Variants in PTPRD observed in about 807,000 individuals in gnomAD.
The protein encoded by PTPRD is protein tyrosine phosphatase receptor type D, also known as receptor-type tyrosine-protein phosphatase delta.
Under a neutral mutation model 214.5 loss-of-function variants are expected in PTPRD, and 34 were observed. That is an observed-to-expected ratio of 0.16 (90% CI 0.12 to 0.21). The LOEUF is 0.21. Among genes scored for constraint, PTPRD ranks in the 10% least tolerant of loss-of-function variants. The pLI is 1.00. For missense variants in PTPRD, 2,545 were observed against 2,398.7 expected (o/e 1.06, Z -1.27); for synonymous variants, 1,128 against 845.7 (o/e 1.33, Z -5.79).
At chr9:10,195,284 G>A (rs2099393462) in intron 3 of PTPRD, among the ~76,000 whole-genome samples, 2 of 151,972 alleles carry the variant, frequency 1.3e-5, no homozygotes, top group African/African-American at 4.8e-5. Flanking sequence ...GGAAAAGGAA[G>A]GTAATGATTG....
chr9:10,528,353 CTT>C (rs1359075237), intron 2 of PTPRD, among the ~76,000 whole-genome samples: 1 of 152,124 alleles, frequency 6.6e-6, no homozygotes, highest in East Asian at 1.9e-4. Flanking sequence ...TAATCTACCT[CTT>C]AGGATTGTCA....
At chr9:9,182,098 CAT>C (rs2099928545) in intron 10 of PTPRD, among the ~76,000 whole-genome samples, 1 of 152,006 alleles carries the variant, frequency 6.6e-6, no homozygotes, top group South Asian at 2.1e-4. Context: ...TGAATCTTAA[CAT>C]ATAAAATTGA....
intron 8 of PTPRD, among the ~76,000 whole-genome samples, chr9:9,502,143 T>C (rs939166272): frequency 5.9e-5 from 9 of 151,910 alleles, no homozygotes; most frequent in African/African-American, 1.2e-4. Context: ...ACTTAAGAGC[T>C]ATCCTTTTAG....
intron 11 of PTPRD, among the ~76,000 whole-genome samples, chr9:8,946,492 A>G (rs141075101): frequency 6.6e-6 from 1 of 152,286 alleles, no homozygotes; most frequent in African/African-American, 2.4e-5. Context: ...ATTAAGTGAT[A>G]TATGAAAATC....
intron 5 of PTPRD, among the ~76,000 whole-genome samples, chr9:9,911,022 T>C (rs1276085516): frequency 6.6e-6 from 1 of 152,032 alleles, no homozygotes; most frequent in African/African-American, 2.4e-5. Context: ...ATTTGTCTTT[T>C]GGCTAACTCC....
chr9:9,055,211 T>G (rs770586105), intron 10 of PTPRD, among the ~76,000 whole-genome samples: 1 of 152,178 alleles, frequency 6.6e-6, no homozygotes, highest in Non-Finnish European at 1.5e-5. Context: ...GCAGCATTGC[T>G]TATAAGAGCC....
intron 14 of PTPRD, among the ~76,000 whole-genome samples, chr9:8,548,617 C>T (rs1466311138): frequency 1.3e-5 from 2 of 149,640 alleles, no homozygotes; most frequent in African/African-American, 2.5e-5. Context: ...ATCCACTTGC[C>T]TCGTCCTCCC....
chr9:10,065,055 A>G (rs1293550124), intron 3 of PTPRD, among the ~76,000 whole-genome samples: 1 of 151,796 alleles, frequency 6.6e-6, no homozygotes, highest in Non-Finnish European at 1.5e-5. Context: ...AAGCATACAT[A>G]GTAATTTGCC....
intron 8 of PTPRD, among the ~76,000 whole-genome samples, chr9:9,542,825 G>A (rs1053143885): frequency 1.3e-5 from 2 of 151,624 alleles, no homozygotes; most frequent in Non-Finnish European, 3.0e-5. Context: ...ACAACCATGA[G>A]GAGCAACTGG....
At chr9:10,566,443 A>T (rs2065635674) in intron 2 of PTPRD, among the ~76,000 whole-genome samples, 1 of 152,060 alleles carries the variant, frequency 6.6e-6, no homozygotes, top group South Asian at 2.1e-4. Flanking sequence ...GACTTAAAAA[A>T]TTTGCAACTA....
At chr9:8,906,486 C>T (rs1315742062) in intron 11 of PTPRD, among the ~76,000 whole-genome samples, 1 of 152,050 alleles carries the variant, frequency 6.6e-6, no homozygotes, top group East Asian at 1.9e-4. Flanking sequence ...AAGAGGTGAT[C>T]AAAGAAGTAA....
intron 7 of PTPRD, among the ~76,000 whole-genome samples, chr9:9,688,239 C>T (rs1322857753): frequency 6.6e-6 from 1 of 151,754 alleles, no homozygotes; most frequent in African/African-American, 2.4e-5. Flanking sequence ...ATAAGCTGGC[C>T]TTTTAAAACC....
chr9:8,813,473 C>T (rs2096857274), intron 11 of PTPRD, among the ~76,000 whole-genome samples: 1 of 152,194 alleles, frequency 6.6e-6, no homozygotes, highest in Admixed American at 6.5e-5. Flanking sequence ...TAGGCTGAAG[C>T]AATCCTCCTG....
chr9:9,811,258 G>C (rs1473377219), intron 5 of PTPRD, among the ~76,000 whole-genome samples: 1 of 152,136 alleles, frequency 6.6e-6, no homozygotes. Context: ...TTCATGGATG[G>C]CTTTGAAGGG....
chr9:9,575,770 A>AAAAAG (rs2088451399), intron 7 of PTPRD, among the ~76,000 whole-genome samples: 1 of 121,846 alleles, frequency 8.2e-6, no homozygotes, highest in Non-Finnish European at 1.7e-5. Context: ...AGAAAAAAAG[A>AAAAAG]AAAAGAAAGA....
At chr9:9,500,797 A>C (rs1452589080) in intron 8 of PTPRD, among the ~76,000 whole-genome samples, 2 of 152,090 alleles carry the variant, frequency 1.3e-5, no homozygotes, top group African/African-American at 4.8e-5. Context: ...AGCAAAAATA[A>C]TAAAGTTGTT....
At chr9:9,079,318 G>C (rs1159514250) in intron 10 of PTPRD, among the ~76,000 whole-genome samples, 1 of 151,642 alleles carries the variant, frequency 6.6e-6, no homozygotes, top group Non-Finnish European at 1.5e-5. Context: ...TTAACTTTTT[G>C]TTTCTGGCTT....
At chr9:10,355,419 G>C (rs1227601878) in intron 2 of PTPRD, among the ~76,000 whole-genome samples, 1 of 151,546 alleles carries the variant, frequency 6.6e-6, no homozygotes, top group South Asian at 2.1e-4. Context: ...TAACAATTGA[G>C]AGCTTATAGA....
chr9:8,626,208 C>G (rs1012008902), intron 14 of PTPRD, among the ~76,000 whole-genome samples: 4 of 151,844 alleles, frequency 2.6e-5, no homozygotes, highest in Non-Finnish European at 4.4e-5. Context: ...TGAAAGCCAA[C>G]CAACTACCTA....
Sources: allele counts gnomAD v4.1 joint callset (sites outside exome capture counted in the v4.1 genomes callset), GRCh38; gene constraint gnomAD v4.1.1; transcripts MANE v1.5; gene names NCBI Gene and HGNC (gene_info 2026-07-23, HGNC 2026-07-21).